The following RAPGEF4 variants were observed in gnomAD, a reference collection of about 807,000 sequenced individuals.
RAPGEF4 encodes the protein RAP guanine-nucleotide-exchange factor (GEF) 4.
In RAPGEF4, 66 loss-of-function variants were observed where a neutral mutation model predicts 147.9. That is an observed-to-expected ratio of 0.45 (90% CI 0.37 to 0.55). The LOEUF (loss-of-function observed/expected upper bound fraction) is 0.55, where lower values mean the gene tolerates loss of function less well. Ranked by LOEUF, RAPGEF4 falls within the 20% of genes least tolerant of loss-of-function variation. The probability of loss-of-function intolerance (pLI) is 0.00; values close to 1 mark genes in which losing one functional copy is unlikely to be tolerated. For missense variants in RAPGEF4, 1,071 were observed against 1,257.3 expected (o/e 0.85, Z 2.24); for synonymous variants, 419 against 442.7 (o/e 0.95, Z 0.67).
chr2:172,864,319 A>G (rs1189488280), intron 4 of RAPGEF4, among the ~76,000 whole-genome samples: 5 of 152,212 alleles, frequency 3.3e-5, no homozygotes, highest in Non-Finnish European at 7.3e-5. Flanking sequence ...GGAGCACTGG[A>G]CATTGAAGGA....
At chr2:172,980,150 A>G (rs55919010) in intron 10 of RAPGEF4, among the ~76,000 whole-genome samples, 1 of 152,186 alleles carries the variant, frequency 6.6e-6, no homozygotes, top group African/African-American at 2.4e-5. Context: ...GATGCCTGGG[A>G]TAGCTGGAGA....
intron 3 of RAPGEF4, among the ~76,000 whole-genome samples, chr2:172,801,240 G>A (rs1387340497): frequency 6.6e-6 from 1 of 152,186 alleles, no homozygotes; most frequent in Non-Finnish European, 1.5e-5. Context: ...ATGAACAGAG[G>A]TGTGAGGAGG....
At chr2:172,821,886 G>A in intron 4 of RAPGEF4, 1 of 1,605,946 alleles carries the variant, frequency 6.2e-7, no homozygotes, top group South Asian at 1.1e-5. Flanking sequence ...CGGCAATGAA[G>A]GTACATTTTG....
At chr2:172,850,387 G>A (rs1271725888) in intron 4 of RAPGEF4, among the ~76,000 whole-genome samples, 1 of 152,142 alleles carries the variant, frequency 6.6e-6, no homozygotes, top group South Asian at 2.1e-4. Context: ...GGAGGCCGAG[G>A]TGGGTGGATC....
chr2:172,773,616 A>ACCCCACACTGCCCCCCTG (rs1683850532), intron 1 of RAPGEF4, among the ~76,000 whole-genome samples: 1 of 107,878 alleles, frequency 9.3e-6, no homozygotes, highest in Non-Finnish European at 1.9e-5. Context: ...TTCCCTCCCC[A>ACCCCACACTGCCCCCCTG]CCCCACACTG....
chr2:172,998,607 T>C (rs1236360644), intron 16 of RAPGEF4, among the ~76,000 whole-genome samples: 1 of 152,160 alleles, frequency 6.6e-6, no homozygotes, highest in East Asian at 1.9e-4. Flanking sequence ...TGAAGATGTC[T>C]GAGCAAGAAG....
At chr2:172,816,024 TATAAC>T (rs1386749348) in intron 4 of RAPGEF4, among the ~76,000 whole-genome samples, 10 of 152,184 alleles carry the variant, frequency 6.6e-5, no homozygotes, top group African/African-American at 2.4e-4. Context: ...ATGATAGACA[TATAAC>T]ATATCACCCT....
At chr2:173,020,503 G>T in intron 22 of RAPGEF4, 115 bp from the exon 23 acceptor site, 1 of 846,136 alleles carries the variant, frequency 1.2e-6, no homozygotes, top group Non-Finnish European at 2.0e-6. Flanking sequence ...ATTTTATGCA[G>T]TCACTCTGCG....
chr2:172,981,320 A>G (rs1298366136), intron 10 of RAPGEF4, among the ~76,000 whole-genome samples: 1 of 152,192 alleles, frequency 6.6e-6, no homozygotes, highest in African/African-American at 2.4e-5. Flanking sequence ...AGCTGCCTCT[A>G]TAGTAGTAGA....
chr2:173,013,380 T>A (rs1190891800), intron 17 of RAPGEF4, among the ~76,000 whole-genome samples: 2 of 152,356 alleles, frequency 1.3e-5, no homozygotes, highest in Admixed American at 1.3e-4. Context: ...TGGCCATTTA[T>A]GCTTCTTTAG....
intron 16 of RAPGEF4, 86 bp from the exon 17 acceptor site, chr2:173,001,180 A>G: frequency 6.3e-7 from 1 of 1,578,222 alleles, no homozygotes; most frequent in African/African-American, 1.3e-5. Flanking sequence ...AGAACCAATG[A>G]CTAAGAACAA....
chr2:172,848,943 G>A (rs532505656), intron 4 of RAPGEF4, among the ~76,000 whole-genome samples: 2 of 152,234 alleles, frequency 1.3e-5, no homozygotes, highest in South Asian at 2.1e-4. Flanking sequence ...GACTAAAGGA[G>A]ACCATTTTTA....
intron 12 of RAPGEF4, among the ~76,000 whole-genome samples, chr2:172,986,812 G>A (rs1692304445): frequency 1.3e-5 from 2 of 151,672 alleles, no homozygotes; most frequent in Non-Finnish European, 2.9e-5. Flanking sequence ...TCCTGCCTCA[G>A]CCTCCCAAGT....
At chr2:173,030,039 A>G (rs1020593428) in intron 25 of RAPGEF4, 125 bp from the exon 26 acceptor site, 14 of 633,678 alleles carry the variant, frequency 2.2e-5, no homozygotes, top group South Asian at 5.6e-5. Flanking sequence ...CATTAAATCT[A>G]TCATTGCCTG....
intron 4 of RAPGEF4, among the ~76,000 whole-genome samples, chr2:172,899,759 T>C (rs1430519778): frequency 2.0e-5 from 3 of 152,094 alleles, no homozygotes; most frequent in Non-Finnish European, 4.4e-5. Context: ...GGGTCAGCTG[T>C]GAAGGGTGGG....
At chr2:172,867,236 G>A (rs760441955) in intron 4 of RAPGEF4, among the ~76,000 whole-genome samples, 1 of 152,078 alleles carries the variant, frequency 6.6e-6, no homozygotes, top group Non-Finnish European at 1.5e-5. Context: ...GCCTCCCAAA[G>A]TGCTGGGATT....
At chr2:172,964,426 C>T (rs894310136) in intron 8 of RAPGEF4, among the ~76,000 whole-genome samples, 104 of 30,204 alleles carry the variant, frequency 3.4e-3, no homozygotes, top group Non-Finnish European at 6.9e-3. Flanking sequence ...TTTTTTTTTA[C>T]GGCAAAGAAA....
intron 17 of RAPGEF4, among the ~76,000 whole-genome samples, chr2:173,007,386 GT>G (rs1300307880): frequency 1.3e-5 from 2 of 152,192 alleles, no homozygotes; most frequent in African/African-American, 4.8e-5. Context: ...CTCAAAGTTA[GT>G]AGGTACACAC....
At chr2:172,977,688 C>T (rs1350020192) in intron 10 of RAPGEF4, among the ~76,000 whole-genome samples, 1 of 152,196 alleles carries the variant, frequency 6.6e-6, no homozygotes, top group Admixed American at 6.5e-5. Flanking sequence ...CTCACCTCAA[C>T]TTTCAATCCT....
Sources: gnomAD v4.1 joint callset for allele counts (sites outside exome capture counted in the v4.1 genomes callset) on GRCh38, gnomAD v4.1.1 for gene constraint, MANE v1.5 for transcripts, NCBI Gene and HGNC (gene_info 2026-07-23, HGNC 2026-07-21) for gene names.